Variants in GFRA2 observed in about 807,000 individuals in gnomAD.
The protein encoded by GFRA2 is GDNF family receptor alpha 2, also known as GDNF family receptor alpha-2.
GFRA2 carries 17 observed loss-of-function variants against 48.3 expected under a neutral mutation model. The ratio of observed to expected loss-of-function variants is 0.35; its 90% CI spans 0.24 to 0.53. The LOEUF is 0.53. Ranked by LOEUF, GFRA2 falls within the 20% of genes least tolerant of loss-of-function variation. The pLI, the probability that GFRA2 is intolerant of heterozygous loss-of-function variation, is 0.93. For synonymous variants in GFRA2, 305 were observed against 257.2 expected (o/e 1.19, Z -1.78); for missense variants, 660 against 637.3 (o/e 1.04, Z -0.38).
upstream of GFRA2, among the ~76,000 whole-genome samples, chr8:21,793,243 T>G (rs963927407): frequency 6.6e-6 from 1 of 152,164 alleles, no homozygotes. Flanking sequence ...AGCAGGCAAC[T>G]GACATGATGA....
intron 7 of GFRA2, among the ~76,000 whole-genome samples, chr8:21,700,057 A>T (rs368062467): frequency 1.8e-3 from 279 of 152,264 alleles, no homozygotes; most frequent in African/African-American, 6.5e-3. Flanking sequence ...AAGAGGTGAC[A>T]TCAGGGTAGG....
chr8:21,722,379 C>G (rs1803642372), intron 4 of GFRA2, among the ~76,000 whole-genome samples: 1 of 152,212 alleles, frequency 6.6e-6, no homozygotes, highest in Non-Finnish European at 1.5e-5. Flanking sequence ...TCCCAACTTG[C>G]TGATGCAAGA....
chr8:21,697,575 C>T (rs866025013), intron 7 of GFRA2, among the ~76,000 whole-genome samples: 1 of 152,130 alleles, frequency 6.6e-6, no homozygotes, highest in Non-Finnish European at 1.5e-5. Context: ...GATGCCAAAA[C>T]CACCAGTGTC....
At chr8:21,718,300 G>A (rs986395563) in intron 4 of GFRA2, among the ~76,000 whole-genome samples, 5 of 152,158 alleles carry the variant, frequency 3.3e-5, no homozygotes, top group Admixed American at 6.5e-5. Flanking sequence ...CATGTAAGAC[G>A]TGACTTGCTC....
chr8:21,720,890 T>C (rs1280168889), intron 4 of GFRA2, among the ~76,000 whole-genome samples: 1 of 151,906 alleles, frequency 6.6e-6, no homozygotes, highest in Non-Finnish European at 1.5e-5. Context: ...TCCTTCAGAA[T>C]AGAAACCATC....
chr8:21,728,230 C>A (rs1228705166), intron 4 of GFRA2, among the ~76,000 whole-genome samples: 1 of 149,278 alleles, frequency 6.7e-6, no homozygotes, highest in Non-Finnish European at 1.5e-5. Context: ...GGCCCTACAT[C>A]CAAGGATTCT....
chr8:21,694,065 ATT>A (rs1491297381), intron 8 of GFRA2, among the ~76,000 whole-genome samples: 5 of 111,762 alleles, frequency 4.5e-5, no homozygotes, highest in African/African-American at 8.3e-5. Flanking sequence ...TTATATATAT[ATT>A]TATTTATTTT....
chr8:21,769,131 A>C (rs1309332789), intron 3 of GFRA2: 3 of 974,696 alleles, frequency 3.1e-6, no homozygotes, highest in Non-Finnish European at 3.7e-6. Flanking sequence ...GTTGCACCAC[A>C]CAGTGAGGAC....
chr8:21,802,749 G>A (rs1415321580), intron 2 of GFRA2, among the ~76,000 whole-genome samples: 1 of 152,170 alleles, frequency 6.6e-6, no homozygotes, highest in Admixed American at 6.5e-5. Flanking sequence ...TGGAAGCTAT[G>A]GTGGTAGAAT....
chr8:21,755,594 G>C (rs1222344182), intron 3 of GFRA2, among the ~76,000 whole-genome samples: 1 of 151,754 alleles, frequency 6.6e-6, no homozygotes, highest in Non-Finnish European at 1.5e-5. Flanking sequence ...TCTGTGTCAG[G>C]GAAGTCAGGT....
intron 4 of GFRA2, among the ~76,000 whole-genome samples, chr8:21,731,716 G>A (rs758187000): frequency 5.9e-5 from 9 of 152,148 alleles, no homozygotes; most frequent in African/African-American, 1.9e-4. Context: ...CAGAAAACCC[G>A]CGAAGGAGAA....
chr8:21,745,668 C>G (rs558103574), intron 4 of GFRA2, among the ~76,000 whole-genome samples: 7 of 152,346 alleles, frequency 4.6e-5, no homozygotes, highest in African/African-American at 1.7e-4. Context: ...GCTTCCTGCT[C>G]TCCAGGTGCC....
chr8:21,704,958 G>C, intron 6 of GFRA2, 27 bp downstream of exon 6: 3 of 1,584,418 alleles, frequency 1.9e-6, no homozygotes, highest in Non-Finnish European at 2.6e-6. Flanking sequence ...GGGGCTGCTG[G>C]GGTTGGGGAG....
chr8:21,783,231 T>G, intron 1 of GFRA2: 1 of 473,396 alleles, frequency 2.1e-6, no homozygotes, highest in Non-Finnish European at 4.1e-6. Flanking sequence ...TGTCACAGCC[T>G]CAGCAGAGAG....
rs148914096 is a variant in GFRA2, at chr8:21,699,422, G to C, written c.1218+3383C>G. ...ATCACAGGTGGGCAGGTGGAGATGG[G>C]GAAGCAAAGGAGATGGTATGTTGCA... On this transcript the variant is annotated intron_variant, in intron 7 of 8. Coordinates refer to ENST00000524240, the MANE Select transcript of GFRA2 (RefSeq NM_001495.5). 4.3e-3 allele frequency among the ~76,000 whole-genome samples: 648 copies of C among 152,284 alleles called. 1 individual carries two copies. Among genetic ancestry groups the C allele is most frequent in the African/African-American group, 0.014 (593 of 41,558 alleles).
chr8:21,769,617 G>A (rs1806349930), intron 3 of GFRA2, among the ~76,000 whole-genome samples: 7 of 152,144 alleles, frequency 4.6e-5, no homozygotes, highest in Admixed American at 2.0e-4. Context: ...CATTCCAGCC[G>A]TGATGCCAGG....
intron 4 of GFRA2, among the ~76,000 whole-genome samples, chr8:21,726,324 T>C (rs956077379): frequency 5.3e-5 from 8 of 152,170 alleles, no homozygotes; most frequent in African/African-American, 1.9e-4. Context: ...ACCTTAGGGA[T>C]CACAGCAACA....
intron 4 of GFRA2, among the ~76,000 whole-genome samples, chr8:21,733,286 G>C (rs1214120589): frequency 6.6e-6 from 1 of 152,136 alleles, no homozygotes; most frequent in Non-Finnish European, 1.5e-5. Context: ...CCTTTCCCAA[G>C]CTCCCTGAAG....
chr8:21,725,792 A>C (rs1278807327), intron 4 of GFRA2, among the ~76,000 whole-genome samples: 2 of 152,222 alleles, frequency 1.3e-5, no homozygotes, highest in African/African-American at 4.8e-5. Flanking sequence ...TGCAAGCCCA[A>C]GGCCCGCCGG....
Sources: gnomAD v4.1 joint callset for allele counts (sites outside exome capture counted in the v4.1 genomes callset) on GRCh38, gnomAD v4.1.1 for gene constraint, MANE v1.5 for transcripts, NCBI Gene and HGNC (gene_info 2026-07-23, HGNC 2026-07-21) for gene names.